NLK: variants seen among roughly 807,000 people sequenced by gnomAD.
NLK encodes the protein nemo like kinase, also known as serine/threonine-protein kinase NLK.
NLK carries 11 observed loss-of-function variants against 59.0 expected under a neutral mutation model. The ratio of observed to expected loss-of-function variants is 0.19; its 90% CI spans 0.12 to 0.31. The LOEUF (loss-of-function observed/expected upper bound fraction) is 0.31. Among genes scored for constraint, NLK ranks in the 10% least tolerant of loss-of-function variants. The pLI is 1.00. For synonymous variants in NLK, 235 were observed against 235.9 expected (o/e 1.00, Z 0.03); for missense variants, 410 against 661.1 (o/e 0.62, Z 4.16).
rs990290186 is a variant in NLK at position 28,169,313 on chromosome 17, T to C, written c.1047+656T>C. On this transcript the variant is annotated intron_variant, in intron 6 of 10. Transcript: ENST00000407008. ...TGAATGGCTCTGACTTGAAAATGTA[T>C]TGGTGACTTAATGTACTTACACTTT... 3.3e-5 allele frequency among the ~76,000 whole-genome samples: 5 copies of C among 152,236 alleles called. No individual in the cohort carries two copies. The East Asian group carries it at 9.6e-4, about 29-fold the overall frequency.
At chr17:28,047,341 C>T (rs888802503) in intron 1 of NLK, among the ~76,000 whole-genome samples, 6 of 152,078 alleles carry the variant, frequency 3.9e-5, no homozygotes, top group African/African-American at 1.4e-4. Context: ...AATAACGTAG[C>T]GTGTCCCCTC....
intron 10 of NLK, among the ~76,000 whole-genome samples, chr17:28,194,257 T>C (rs903904202): frequency 1.3e-5 from 2 of 152,240 alleles, no homozygotes; most frequent in Non-Finnish European, 2.9e-5. Flanking sequence ...TCTATTATCA[T>C]TTATTCATCC....
In NLK at chr17:28,139,020, C is replaced by G. The variant is rs571795173; in HGVS notation, c.644+6345C>G. Among the ~76,000 whole-genome samples, 5 of 152,274 alleles carry G rather than the reference C, an allele frequency of 3.3e-5. No homozygotes were observed. In the South Asian group the frequency reaches 1.0e-3, roughly 32 times the overall value. ...CCTGTAATCCCAGCACTTGGGGAGG[C>G]CGAGGTGGGTGGATCACCTGAGGTC... is the stretch of plus-strand genomic sequence containing the variant. On this transcript the variant is annotated intron_variant, in intron 3 of 10. Coordinates refer to ENST00000407008, the MANE Select transcript of NLK (RefSeq NM_016231.5).
At chr17:28,068,650 A>G (rs1329362095) in intron 1 of NLK, among the ~76,000 whole-genome samples, 1 of 152,166 alleles carries the variant, frequency 6.6e-6, no homozygotes, top group African/African-American at 2.4e-5. Context: ...TATGTCCACT[A>G]AAGTTTGCTA....
chr17:28,191,035 C>T lies in NLK; in HGVS notation c.1251C>T (p.Ser417=), dbSNP rs55949117. The T allele has an allele frequency of 4.0e-5, 64 of 1,598,226 alleles. No individual in the cohort carries two copies. The highest frequency in any genetic ancestry group is 3.4e-4 in the Middle Eastern group (2 of 5,950). The change falls in exon 9 of 11, where the codon TCC becomes TCT. Residue 417 remains serine (S), a synonymous_variant. Transcript: ENST00000407008. Reference sequence around the variant, plus strand: ...TTTGATTTCAGTCCAAAAGAATATCCGCTAAGGATGCCTTAGCCCACCCCT... The same window carrying T: ...TTTGATTTCAGTCCAAAAGAATATCTGCTAAGGATGCCTTAGCCCACCCCT... ...MLVFDPSKRI[S]AKDALAHPYL... is the part of the protein sequence containing the mutation.
chr17:28,199,031 T>C (rs1909554467), downstream of NLK, among the ~76,000 whole-genome samples: 3 of 152,328 alleles, frequency 2.0e-5, no homozygotes, highest in South Asian at 6.2e-4. Flanking sequence ...AATGTAGACC[T>C]TTCCCAATAG....
intron 1 of NLK, among the ~76,000 whole-genome samples, chr17:28,113,255 C>G (rs1342107696): frequency 6.6e-6 from 1 of 152,148 alleles, no homozygotes; most frequent in Non-Finnish European, 1.5e-5. Flanking sequence ...AGGACATCAC[C>G]AGTACCCAGA....
chr17:28,185,158 G>A, intron 7 of NLK, 21 bp from the exon 8 acceptor site: 2 of 1,455,078 alleles, frequency 1.4e-6, no homozygotes, highest in Non-Finnish European at 1.9e-6. Flanking sequence ...TTAAATATTT[G>A]AATTTTTAAT....
At chr17:28,177,177 G>A (rs1028461335) in intron 7 of NLK, among the ~76,000 whole-genome samples, 2 of 152,036 alleles carry the variant, frequency 1.3e-5, no homozygotes, top group African/African-American at 4.8e-5. Context: ...TGGTGGAGGA[G>A]GTGGAAGGAG....
rs949499990 is a variant in NLK, at chr17:28,195,669, T to C, written c.*1033T>C. On this transcript the variant is annotated 3_prime_UTR_variant, in exon 11 of 11. Transcript: ENST00000407008. ...AAATGTCACAGTAGTAAATAACTTATTACTTTTTGACAAGTTCTTTTTTTC... is the reference window on the plus strand; with the variant it reads ...AAATGTCACAGTAGTAAATAACTTACTACTTTTTGACAAGTTCTTTTTTTC... 1 of 152,674 alleles carries C rather than the reference T, an allele frequency of 6.5e-6. No individual in the cohort carries two copies. The highest frequency in any genetic ancestry group is 1.5e-5 in the Non-Finnish European group (1 of 68,038). The allele number at this position is 152,674 out of a possible 1,614,324, so 9.5% of individuals were successfully genotyped here.
rs1905755601 is a variant in NLK at position 28,116,065 on chromosome 17, C to G, written c.459-6538C>G. 1.3e-5 allele frequency among the ~76,000 whole-genome samples: 2 copies of G among 152,088 alleles called. 1 individual carries two copies. Among genetic ancestry groups the G allele is most frequent in the South Asian group, 4.1e-4 (2 of 4,834 alleles). The stretch of plus-strand genomic sequence containing the variant: ...TCTCATGTCATTTCACCTATTTATA[C>G]TTATAAGTATGCATCTCTAGAAAAT... On this transcript the variant is annotated intron_variant, in intron 1 of 10. Coordinates refer to ENST00000407008, the MANE Select transcript of NLK (RefSeq NM_016231.5).
rs574503532 is a variant in NLK, at chr17:28,075,969, A to C, written c.458+32638A>C. On this transcript the variant is annotated intron_variant, in intron 1 of 10. Coordinates refer to ENST00000407008, the MANE Select transcript of NLK (RefSeq NM_016231.5). ...AAACATTTACCCATACAGTGAAAAAAGCACATTGAAATGGTGAAGTGAAAA... is the reference window on the plus strand; with the variant it reads ...AAACATTTACCCATACAGTGAAAAACGCACATTGAAATGGTGAAGTGAAAA... Among the ~76,000 whole-genome samples the C allele has an allele frequency of 2.0e-5, 3 of 152,348 alleles. 1 individual carries two copies. The South Asian group carries it at 6.2e-4, about 32-fold the overall frequency.
intron 1 of NLK, among the ~76,000 whole-genome samples, chr17:28,072,213 A>G (rs1240568170): frequency 6.6e-6 from 1 of 151,688 alleles, no homozygotes; most frequent in Non-Finnish European, 1.5e-5. Context: ...TATGTCTCTG[A>G]TATACAGCAT....
intron 3 of NLK, among the ~76,000 whole-genome samples, chr17:28,138,521 G>A (rs1906854444): frequency 6.6e-6 from 1 of 152,194 alleles, no homozygotes; most frequent in African/African-American, 2.4e-5. Flanking sequence ...GAGGAAACCT[G>A]TGTGTCCATT....
chr17:28,115,363 G>A (rs761989009), intron 1 of NLK, among the ~76,000 whole-genome samples: 1 of 152,162 alleles, frequency 6.6e-6, no homozygotes, highest in Non-Finnish European at 1.5e-5. Context: ...GTGTTTAGGC[G>A]GATGGGTTTG....
chr17:28,049,388 G>A (rs962496770), intron 1 of NLK, among the ~76,000 whole-genome samples: 1 of 152,138 alleles, frequency 6.6e-6, no homozygotes, highest in Admixed American at 6.5e-5. Context: ...AACACCTTTG[G>A]AACTCACTAG....
chr17:28,091,025 A>G (rs1904473275), intron 1 of NLK, among the ~76,000 whole-genome samples: 1 of 152,340 alleles, frequency 6.6e-6, no homozygotes. Flanking sequence ...AATACTATAT[A>G]TATGAAATAA....
At chr17:28,144,671 T>C (rs982164719) in intron 3 of NLK, among the ~76,000 whole-genome samples, 1 of 152,260 alleles carries the variant, frequency 6.6e-6, no homozygotes, top group Non-Finnish European at 1.5e-5. Flanking sequence ...TGTGAGAGTT[T>C]AGCGAAGCTC....
intron 3 of NLK, among the ~76,000 whole-genome samples, chr17:28,156,433 T>C (rs1907728522): frequency 6.6e-6 from 1 of 152,230 alleles, no homozygotes; most frequent in African/African-American, 2.4e-5. Context: ...ATCTGTTGTC[T>C]GATTGCCTCA....
Sources: allele counts gnomAD v4.1 joint callset (sites outside exome capture counted in the v4.1 genomes callset), GRCh38; gene constraint gnomAD v4.1.1; transcripts MANE v1.5; gene names NCBI Gene and HGNC (gene_info 2026-07-23, HGNC 2026-07-21).